The following EML1 variants were observed in gnomAD, a reference collection of about 807,000 sequenced individuals.
EML1 encodes the protein echinoderm microtubule-associated protein-like 1.
A neutral mutation model predicts 110.4 loss-of-function variants in EML1; 27 were observed. That is an observed-to-expected ratio of 0.24 (90% confidence interval 0.18 to 0.34). The LOEUF is 0.34. Ranked by LOEUF, EML1 falls within the 10% of genes least tolerant of loss-of-function variation. The pLI is 1.00. For synonymous variants in EML1, 344 were observed against 385.8 expected, an observed-to-expected ratio of 0.89 and a Z score of 1.27; for missense variants, 741 against 1,030.9, an observed-to-expected ratio of 0.72 and a Z score of 3.85.
At chr14:99,774,558 G>A (rs542122623) in intron 1 of EML1, among the ~76,000 whole-genome samples, 11 of 152,284 alleles carry the variant, frequency 7.2e-5, no homozygotes, top group East Asian at 5.8e-4. Flanking sequence ...TGCTTGGCAC[G>A]GGAGCAGCCC....
Position 99,936,402 on chromosome 14 carries a change from C to T in EML1, c.2095+68C>T. 4 of 1,448,168 alleles carry T rather than the reference C, an allele frequency of 2.8e-6. No homozygotes were observed. The highest frequency in any genetic ancestry group is 3.5e-5 in the Admixed American group (2 of 56,368). 89.7% of individuals were successfully genotyped at this position (1,448,168 alleles called of 1,614,324 possible). On this transcript the variant is annotated intron_variant, in intron 19 of 21. Coordinates refer to ENST00000262233, the MANE Select transcript of EML1 (RefSeq NM_004434.3). This position sits in a 1 kb window ranked among gnomAD's most constrained non-coding sequence, Gnocchi z 5.5. Reference sequence around the variant, plus strand: ...AGCGTTCACTCTGAGATCCAGGGGGCCTCTGTGAGAACCCACCTCCTGTAT... The same window carrying T: ...AGCGTTCACTCTGAGATCCAGGGGGTCTCTGTGAGAACCCACCTCCTGTAT...
chr14:99,857,926 C>T (rs2058932236), intron 2 of EML1, among the ~76,000 whole-genome samples: 1 of 152,198 alleles, frequency 6.6e-6, no homozygotes, highest in Non-Finnish European at 1.5e-5. Context: ...GATTCTTGCA[C>T]TCCTAGACCC....
intron 1 of EML1, among the ~76,000 whole-genome samples, chr14:99,806,419 C>T (rs1268376023): frequency 1.3e-5 from 2 of 149,484 alleles, no homozygotes; most frequent in Admixed American, 6.8e-5. Context: ...CGGGTTCAAG[C>T]GATTCTCCTA....
chr14:99,742,123 C>T (rs143116340), intron 1 of EML1, among the ~76,000 whole-genome samples: 1 of 152,176 alleles, frequency 6.6e-6, no homozygotes, highest in African/African-American at 2.4e-5. Flanking sequence ...AAGTACCCCC[C>T]ACCTCAGCCC....
At chr14:99,835,959 G>T (rs2058533428) in intron 1 of EML1, among the ~76,000 whole-genome samples, 1 of 152,176 alleles carries the variant, frequency 6.6e-6, no homozygotes, top group African/African-American at 2.4e-5. Flanking sequence ...TTAAAGTCAG[G>T]TAGTGTCAGT....
At chr14:99,796,158 G>C (rs1341478387) in intron 1 of EML1, among the ~76,000 whole-genome samples, 1 of 150,180 alleles carries the variant, frequency 6.7e-6, no homozygotes, top group Non-Finnish European at 1.5e-5. Context: ...CTGTACTACA[G>C]CCTGGGTGAC....
At chr14:99,843,574 T>C (rs1045113010) in intron 1 of EML1, among the ~76,000 whole-genome samples, 1 of 152,252 alleles carries the variant, frequency 6.6e-6, no homozygotes, top group Non-Finnish European at 1.5e-5. Flanking sequence ...GTTTTATACA[T>C]AGAGGCAGAT....
At chr14:99,929,922 G>C (rs2060336683) in intron 17 of EML1, among the ~76,000 whole-genome samples, 1 of 152,208 alleles carries the variant, frequency 6.6e-6, no homozygotes, top group South Asian at 2.1e-4. Flanking sequence ...GGGTTCTGCT[G>C]ATGGCCAGAG....
intron 17 of EML1, among the ~76,000 whole-genome samples, chr14:99,927,128 A>G (rs527910975): frequency 6.6e-6 from 1 of 152,330 alleles, no homozygotes; most frequent in South Asian, 2.1e-4. Context: ...ATATCATCAG[A>G]TGGCCAGTTA....
intron 1 of EML1, among the ~76,000 whole-genome samples, chr14:99,785,145 C>T (rs1237941073): frequency 6.6e-6 from 1 of 152,078 alleles, no homozygotes; most frequent in Non-Finnish European, 1.5e-5. Flanking sequence ...ACCTCCACCT[C>T]CCAGGTTCAA....
rs376533082 is a variant in EML1, at chr14:99,910,228, A to G, written c.1240-14A>G. 4.9e-5 allele frequency: 76 copies of G among 1,562,190 alleles called. No homozygotes were observed. Among genetic ancestry groups the G allele is most frequent in the Middle Eastern group, 1.9e-4 (1 of 5,348 alleles). ...GATTAAATATATATATAATTTTTTT[A>G]CTACATTCTACAGAAACAAGAAAAG... On this transcript the variant is annotated splice_polypyrimidine_tract_variant and intron_variant, in intron 11 of 21. Transcript: ENST00000262233.
At chr14:99,793,246 C>T (rs1405605268), upstream of EML1, 7 of 785,440 alleles carry the variant, frequency 8.9e-6, no homozygotes, top group Admixed American at 6.5e-5. Context: ...CCTCCCGGCC[C>T]GGGCCCCGCG....
chr14:99,909,399 A>C lies in EML1; in HGVS notation c.1159A>C (p.Ile387Leu). 6.2e-7 allele frequency: 1 copy of C among 1,614,202 alleles called. No homozygotes were observed. The highest frequency in any genetic ancestry group is 8.5e-7 in the Non-Finnish European group (1 of 1,180,040). The part of the protein sequence containing the change: ...ADFHPTDTNI[I>L]VTCGKSHLYF... ...TTTCCACCCCACGGACACCAACATC[A>C]TAGTTACTTGTGGAAAATCACATCT... The change falls in exon 11 of 22, where the codon ATA (isoleucine) becomes CTA (leucine). Residue 387 changes from isoleucine (I) to leucine (L), a missense_variant. Coordinates refer to ENST00000262233, the MANE Select transcript of EML1 (RefSeq NM_004434.3).
At position 99,894,623 on chromosome 14, in the gene EML1, T is replaced by C; in HGVS notation, c.548-6T>C. 1 of 1,610,686 alleles carries C rather than the reference T, an allele frequency of 6.2e-7. No individual in the cohort carries two copies. Among genetic ancestry groups the C allele is most frequent in the Non-Finnish European group, 8.5e-7 (1 of 1,178,698 alleles). ...TATCTTACTGAAATCTTTGTTCTTT[T>C]TGTAGAAGAAGGCTATGTAAAAATG... On this transcript the variant is annotated splice_polypyrimidine_tract_variant and splice_region_variant and intron_variant, in intron 5 of 21. Coordinates refer to ENST00000262233, the MANE Select transcript of EML1 (RefSeq NM_004434.3).
At chr14:99,838,826 GA>G (rs1437170561) in intron 1 of EML1, among the ~76,000 whole-genome samples, 1 of 152,074 alleles carries the variant, frequency 6.6e-6, no homozygotes, top group African/African-American at 2.4e-5. Flanking sequence ...TGGAGTGGGG[GA>G]AAGCTATCAA....
At position 99,793,523 on chromosome 14, in the gene EML1, C is replaced by G; in HGVS notation, c.47C>G (p.Ser16Trp). The G allele has an allele frequency of 9.6e-7, 1 of 1,042,046 alleles. No individual in the cohort carries two copies. Among genetic ancestry groups the G allele is most frequent in the Non-Finnish European group, 1.2e-6 (1 of 862,112 alleles). The allele number at this position is 1,042,046 out of a possible 1,614,324, so 64.5% of individuals were successfully genotyped here. ...TACAGCAGCCTGTACGACACGTCCTCGCTGCTCCAGTTCTGCAACGGTGAG... is the reference window on the plus strand; with the variant it reads ...TACAGCAGCCTGTACGACACGTCCTGGCTGCTCCAGTTCTGCAACGGTGAG... Reference protein sequence around the residue: ...SSYSSLYDTSSLLQFCNDDSA... With the variant: ...SSYSSLYDTSWLLQFCNDDSA... The change falls in exon 1 of 22, where the codon TCG (serine) becomes TGG (tryptophan). Residue 16 changes from serine to tryptophan, a missense_variant. Physicochemically the swap from Ser to Trp is radical, Grantham distance 177. Around this residue, in one of 4 missense-constraint regions of EML1, gnomAD observed 226 missense variants for 255.6 expected, o/e 0.88. Transcript: ENST00000262233.
At position 99,941,617 on chromosome 14, in the gene EML1, T is replaced by A. The variant is rs763238956; in HGVS notation, c.*1505T>A. The A allele has an allele frequency of 6.6e-6, 1 of 152,264 alleles. No individual in the cohort carries two copies. The highest frequency in any genetic ancestry group is 1.5e-5 in the Non-Finnish European group (1 of 68,048). The allele number at this position is 152,264 out of a possible 1,614,324, so 9.4% of individuals were successfully genotyped here. A position where few individuals can be genotyped will look rare whatever the true frequency, so the allele number is the denominator to read the frequency against. The stretch of plus-strand genomic sequence containing the variant: ...GATATGATTCACACTATATTCTGTT[T>A]CATATGCAGATTTTATTCTCACCTG... On this transcript the variant is annotated 3_prime_UTR_variant, in exon 22 of 22. Transcript: ENST00000262233.
chr14:99,910,101 A>C, intron 11 of EML1, 141 bp from the exon 12 acceptor site: 2 of 576,612 alleles, frequency 3.5e-6, no homozygotes, highest in Non-Finnish European at 5.9e-6. Flanking sequence ...CAAGGTGTGC[A>C]GGGTGGTCAC....
upstream of EML1, among the ~76,000 whole-genome samples, chr14:99,769,630 G>A (rs1368291580): frequency 6.6e-6 from 1 of 152,162 alleles, no homozygotes; most frequent in Non-Finnish European, 1.5e-5. Flanking sequence ...TCAAGTCTCT[G>A]CAGTACCTGC....
Sources: gnomAD v4.1 joint callset for allele counts (sites outside exome capture counted in the v4.1 genomes callset) on GRCh38, gnomAD v4.1.1 for gene constraint, gnomAD v4.1.1 regional missense constraint, Gnocchi (gnomAD v3.1) non-coding constraint, MANE v1.5 for transcripts, NCBI Gene and HGNC (gene_info 2026-07-23, HGNC 2026-07-21) for gene names.